The following BORCS8 variants were observed in gnomAD, a reference collection of about 807,000 sequenced individuals.
BORCS8 encodes the protein BLOC-1 related complex subunit 8, also known as BLOC-1-related complex subunit 8.
In BORCS8, 13 loss-of-function variants were observed where a neutral mutation model predicts 18.7. The ratio of observed to expected loss-of-function variants is 0.70; its 90% CI spans 0.45 to 1.11. BORCS8 has a LOEUF of 1.11. Ranked by LOEUF, BORCS8 falls within the 50% of genes least tolerant of loss-of-function variation. The probability of loss-of-function intolerance (pLI) is 0.00; values close to 1 mark genes in which losing one functional copy is unlikely to be tolerated. For synonymous variants in BORCS8, 68 were observed against 64.8 expected (o/e 1.05, Z -0.24); for missense variants, 165 against 165.7 (o/e 1.00, Z 0.02).
chr19:19,177,739 AAAAGAAAAGAAAAGAAAGGAAG>A (rs2060313469), intron 5 of BORCS8: 1 of 176,100 alleles, frequency 5.7e-6, no homozygotes, highest in African/African-American at 2.5e-5. Context: ...AAAAGAAAAG[AAAAGAAAAGAAAAGAAAGGAAG>A]AAAGAAAGGG....
In BORCS8 at chr19:19,182,660, C is replaced by A; in HGVS notation, c.239G>T (p.Ser80Ile). The change falls in exon 4 of 6, where the codon AGC becomes ATC. Residue 80 changes from serine (S) to isoleucine (I), a missense_variant. By Grantham distance (142) the Ser-to-Ile change is moderately radical. Transcript: ENST00000462790. This position sits in a 1 kb window ranked among gnomAD's most constrained non-coding sequence, Gnocchi z 4.1. ...CTCCACGCTGCGGAAGTAGACGCTG[C>A]TGTCCACCAGGTTCTTCACGGCGCT... is the stretch of plus-strand genomic sequence containing the variant. ...ACSAVKNLVD[S>I]SVYFRSVEGL... 6.4e-7 allele frequency: 1 copy of A among 1,551,000 alleles called. No homozygotes were observed. Among genetic ancestry groups the A allele is most frequent in the Non-Finnish European group, 8.7e-7 (1 of 1,146,816 alleles).
At position 19,177,785 on chromosome 19, in the gene BORCS8, G is replaced by A. The variant is rs567311551; in HGVS notation, c.*43-325C>T. ...AGAAAGAAAGGGAGACCCAGAGAGGGCCAGCACCAGGCCTATGTCACACAG... is the reference window on the plus strand; with the variant it reads ...AGAAAGAAAGGGAGACCCAGAGAGGACCAGCACCAGGCCTATGTCACACAG... On this transcript the variant is annotated intron_variant, in intron 5 of 5. Transcript: ENST00000462790. 8.0e-5 allele frequency: 14 copies of A among 174,642 alleles called. No homozygotes were observed. The South Asian group carries it at 1.3e-3, about 16-fold the overall frequency. 10.8% of individuals were successfully genotyped at this position (174,642 alleles called of 1,614,324 possible).
rs73922820 is a variant in BORCS8 at position 19,192,072 on chromosome 19, C to T, written c.37+9G>A. ...GGCCCCCTCTGTCCCGCCCGCAGGC[C>T]CGCACCACCTTTCTTCCCCTTGAGC... On this transcript the variant is annotated intron_variant, in intron 1 of 5. Coordinates refer to ENST00000462790, the MANE Select transcript of BORCS8 (RefSeq NM_001145784.2). 5.8e-3 allele frequency: 8,929 copies of T among 1,551,324 alleles called. 449 individuals carry two copies. The African/African-American group carries it at 0.11, about 18-fold the overall frequency.
At chr19:19,180,873 T>A in intron 4 of BORCS8, 112 bp from the exon 5 acceptor site, 1 of 1,176,354 alleles carries the variant, frequency 8.5e-7, no homozygotes, top group Non-Finnish European at 1.2e-6. Context: ...GACCTCTGGC[T>A]TGAGCTTCTG....
rs559940850 is a variant in BORCS8 at position 19,187,954 on chromosome 19, C to T, written c.38-949G>A. Among the ~76,000 whole-genome samples the T allele has an allele frequency of 3.3e-5, 5 of 151,850 alleles. No homozygotes were observed. In the East Asian group the frequency reaches 7.8e-4, roughly 24 times the overall value. ...AACTCCCAGCCTCAAGGCATCATCA[C>T]GCCTCAGCCTCCCGAGGAGCTAGAA... is the stretch of plus-strand genomic sequence containing the variant. On this transcript the variant is annotated intron_variant, in intron 1 of 5. Transcript: ENST00000462790.
intron 2 of BORCS8, 27 bp from the exon 3 acceptor site, chr19:19,186,125 C>G: frequency 1.9e-6 from 3 of 1,550,780 alleles, no homozygotes; most frequent in Non-Finnish European, 2.6e-6. Flanking sequence ...AGATATTTGG[C>G]AAGGGAGGCC....
chr19:19,182,979 T>C lies in BORCS8; in HGVS notation c.216-296A>G, dbSNP rs1302383522. Among the ~76,000 whole-genome samples the C allele has an allele frequency of 6.6e-6, 1 of 151,592 alleles. No homozygotes were observed. Among genetic ancestry groups the C allele is most frequent in the Non-Finnish European group, 1.5e-5 (1 of 67,898 alleles). On this transcript the variant is annotated intron_variant, in intron 3 of 5. Coordinates refer to ENST00000462790, the MANE Select transcript of BORCS8 (RefSeq NM_001145784.2). This position sits in a 1 kb window ranked among gnomAD's most constrained non-coding sequence, Gnocchi z 4.1. ...CTGCTGATAATGGGGGTGTAAAAAA[T>C]AGGAAAGAAAAAACACCTGGGCACT...
intron 1 of BORCS8, among the ~76,000 whole-genome samples, chr19:19,191,730 C>G (rs2060482040): frequency 6.6e-6 from 1 of 152,066 alleles, no homozygotes; most frequent in Non-Finnish European, 1.5e-5. Flanking sequence ...CAGGCGTGCG[C>G]CACCACGCCC....
chr19:19,186,835 T>C (rs1412655922), intron 2 of BORCS8, 58 bp downstream of exon 2: 1 of 1,276,414 alleles, frequency 7.8e-7, no homozygotes, highest in Non-Finnish European at 1.1e-6. Context: ...CTTGCTGGTG[T>C]CCCAGCCTTG....
intron 1 of BORCS8, among the ~76,000 whole-genome samples, chr19:19,188,496 C>T (rs72997193): frequency 0.049 from 7,383 of 152,116 alleles, 232 homozygotes; most frequent in South Asian, 0.092. Context: ...CCAAACCCAC[C>T]GGTAGTGGAC....
At chr19:19,181,970 T>A (rs1302152910) in intron 4 of BORCS8, 1 of 985,362 alleles carries the variant, frequency 1.0e-6, no homozygotes, top group African/African-American at 1.7e-5. Flanking sequence ...GTTCAAGGAC[T>A]GTGAGTGCTT....
intron 1 of BORCS8, among the ~76,000 whole-genome samples, chr19:19,188,270 C>T (rs8100480): frequency 0.085 from 12,948 of 152,048 alleles, 853 homozygotes; most frequent in East Asian, 0.28. Context: ...ACCTCGTGAT[C>T]CGCCTGCCTC....
rs1325003690 is a variant in BORCS8 at position 19,186,092 on chromosome 19, T to C, written c.157A>G (p.Met53Val). The C allele has an allele frequency of 8.4e-6, 13 of 1,551,364 alleles. No homozygotes were observed. The highest frequency in any genetic ancestry group is 1.0e-5 in the Non-Finnish European group (12 of 1,146,970). The change falls in exon 3 of 6, where the codon ATG (methionine) becomes GTG (valine). Residue 53 changes from methionine (M) to valine (V), a missense_variant. Transcript: ENST00000462790. ...TGGCTCTGCTCCTCCCAACGCTGCATGTCTGCCTGTAGGGGGCGCAGGAGA... is the reference window on the plus strand; with the variant it reads ...TGGCTCTGCTCCTCCCAACGCTGCACGTCTGCCTGTAGGGGGCGCAGGAGA... Reference protein sequence around the residue: ...LPELAQHKADMQRWEEQSQGA... With the variant: ...LPELAQHKADVQRWEEQSQGA...
In BORCS8 at chr19:19,192,135, G is replaced by A; in HGVS notation, c.-18C>T. 6.4e-7 allele frequency: 1 copy of A among 1,551,112 alleles called. No individual in the cohort carries two copies. The highest frequency in any genetic ancestry group is 1.2e-5 in the South Asian group (1 of 84,058). ...TCCTCCATAGCGACCGCGGCCGAGC[G>A]AACCGGGAAACGGCACCGGAAGCCC... On this transcript the variant is annotated 5_prime_UTR_variant, in exon 1 of 6. Transcript: ENST00000462790.
chr19:19,177,679 AGGAAGG>A lies in BORCS8; in HGVS notation c.*43-225_*43-220del, dbSNP rs760959480. 7.3e-3 allele frequency: 672 copies of A among 91,518 alleles called. 24 individuals carry two copies. The highest frequency in any genetic ancestry group is 0.023 in the African/African-American group (499 of 21,566). The allele number at this position is 91,518 out of a possible 1,614,324, so 5.7% of individuals were successfully genotyped here. Reference sequence around the variant, plus strand: ...AAGGAAGGAAGGAAGGAAGGAAGGAAGGAAGGAAGGAAGGAAGAGAAAAGAAAAGAA... The same window carrying A: ...AAGGAAGGAAGGAAGGAAGGAAGGAAAAGGAAGGAAGAGAAAAGAAAAGAA... On this transcript the variant is annotated intron_variant, in intron 5 of 5. Coordinates refer to ENST00000462790, the MANE Select transcript of BORCS8 (RefSeq NM_001145784.2).
intron 3 of BORCS8, 101 bp downstream of exon 3, chr19:19,185,933 C>A: frequency 1.6e-6 from 2 of 1,224,082 alleles, no homozygotes; most frequent in Non-Finnish European, 1.2e-6. Context: ...GTAGGCCTGG[C>A]AGGGTGGGGC....
At chr19:19,178,464 C>T (rs1464098773) in intron 5 of BORCS8, 1 of 152,450 alleles carries the variant, frequency 6.6e-6, no homozygotes, top group Non-Finnish European at 1.5e-5. Context: ...GCTTGGTGGT[C>T]AGAGGTCCGG....
intron 1 of BORCS8, among the ~76,000 whole-genome samples, chr19:19,190,812 G>C (rs2060462305): frequency 6.6e-6 from 1 of 152,024 alleles, no homozygotes; most frequent in South Asian, 2.1e-4. Context: ...GAAGAAGAAA[G>C]GTGAGCATAA....
At chr19:19,189,087 G>A (rs1019545964) in intron 1 of BORCS8, among the ~76,000 whole-genome samples, 2 of 151,912 alleles carry the variant, frequency 1.3e-5, no homozygotes, top group Admixed American at 6.6e-5. Flanking sequence ...TGCCCACTTC[G>A]GCCTCCCAGA....
Sources: allele counts gnomAD v4.1 joint callset (sites outside exome capture counted in the v4.1 genomes callset), GRCh38; gene constraint gnomAD v4.1.1; non-coding constraint Gnocchi (gnomAD v3.1); transcripts MANE v1.5; gene names NCBI Gene and HGNC (gene_info 2026-07-23, HGNC 2026-07-21).